MEI1: variants seen among roughly 807,000 people sequenced by gnomAD.
MEI1 encodes meiosis inhibitor protein 1.
A neutral mutation model predicts 146.2 loss-of-function variants in MEI1; 103 were observed. That is an observed-to-expected ratio of 0.70 (90% CI 0.60 to 0.83). The LOEUF is 0.83. MEI1 is among the 40% of genes least tolerant of loss of function. The probability of loss-of-function intolerance (pLI) is 0.00; values close to 1 mark genes in which losing one functional copy is unlikely to be tolerated. For synonymous variants in MEI1, 652 were observed against 628.2 expected (o/e 1.04, Z -0.57); for missense variants, 1,529 against 1,533.0 (o/e 1.00, Z 0.04).
chr22:41,768,036 T>C (rs1450238317), intron 19 of MEI1, among the ~76,000 whole-genome samples: 1 of 151,652 alleles, frequency 6.6e-6, no homozygotes, highest in Non-Finnish European at 1.5e-5. Context: ...ATATGGGAGG[T>C]AGAATAGAGA....
At chr22:41,720,657 C>T (rs1014950244) in intron 6 of MEI1, among the ~76,000 whole-genome samples, 3 of 147,504 alleles carry the variant, frequency 2.0e-5, no homozygotes, top group Non-Finnish European at 4.5e-5. Context: ...GTGCAGTGGG[C>T]GTGATCTCAG....
chr22:41,781,236 G>A (rs1282284436), intron 22 of MEI1, 48 bp from the exon 23 acceptor site: 1 of 1,370,670 alleles, frequency 7.3e-7, no homozygotes, highest in Non-Finnish European at 1.0e-6. Context: ...CCTATGACAA[G>A]TGTGAGTGTT....
chr22:41,764,256 G>A lies in MEI1; in HGVS notation c.2268+935G>A, dbSNP rs557145816. 1.2e-4 allele frequency among the ~76,000 whole-genome samples: 19 copies of A among 152,250 alleles called. No individual in the cohort carries two copies. The East Asian group carries it at 3.7e-3, about 29-fold the overall frequency. Reference sequence around the variant, plus strand: ...ATTACAGGCGTGAGCCACCGTGCCCGGCTGGAAGTTTCCTTTTATACAAGT... The same window carrying A: ...ATTACAGGCGTGAGCCACCGTGCCCAGCTGGAAGTTTCCTTTTATACAAGT... On this transcript the variant is annotated intron_variant, in intron 19 of 30. Coordinates refer to ENST00000401548, the MANE Select transcript of MEI1 (RefSeq NM_152513.4).
At position 41,714,072 on chromosome 22, in the gene MEI1, A is replaced by C. The variant is rs776170783; in HGVS notation, c.420A>C (p.Lys140Asn). The part of the protein sequence containing the change: ...TIRCLLDECH[K>N]ELCNMPSMRG... ...GTTGCCTGCTGGATGAGTGCCACAA[A>C]GAGGTCAGAAAATAGCTATGGGTTC... The change falls in exon 4 of 31, where the codon AAA becomes AAC. Residue 140 changes from lysine to asparagine, a missense_variant. Physicochemically the swap from Lys to Asn is moderately conservative, Grantham distance 94. Coordinates refer to ENST00000401548, the MANE Select transcript of MEI1 (RefSeq NM_152513.4). 1 of 1,596,524 alleles carries C rather than the reference A, an allele frequency of 6.3e-7. No homozygotes were observed. Among genetic ancestry groups the C allele is most frequent in the Non-Finnish European group, 8.5e-7 (1 of 1,171,276 alleles).
intron 28 of MEI1, 78 bp downstream of exon 28, chr22:41,794,555 C>T: frequency 8.6e-7 from 1 of 1,160,474 alleles, no homozygotes; most frequent in East Asian, 2.3e-5. Context: ...GGTCTCCTTA[C>T]TTTAGGTAAC....
At position 41,744,480 on chromosome 22, in the gene MEI1, ATTTTTTTTTTTTTTTTTTT is replaced by A. The variant is rs771456925; in HGVS notation, c.1447-476_1447-458del. ...AGCCACCATGCCCAGCTTTGCTATGATTTTTTTTTTTTTTTTTTTTTTTTTTTTTTTTTTTGAGACGGAG... is the reference window on the plus strand; with the variant it reads ...AGCCACCATGCCCAGCTTTGCTATGATTTTTTTTTTTTTTTTGAGACGGAG... On this transcript the variant is annotated intron_variant, in intron 12 of 30. Transcript: ENST00000401548. 2.3e-4 allele frequency among the ~76,000 whole-genome samples: 2 copies of A among 8,592 alleles called. 1 individual carries two copies. Among genetic ancestry groups the A allele is most frequent in the Middle Eastern group, 0.12 (2 of 16 alleles). 5.6% of individuals were successfully genotyped at this position (8,592 alleles called of 152,430 possible).
At chr22:41,798,226 C>T (rs1022232746) in intron 30 of MEI1, among the ~76,000 whole-genome samples, 4 of 102,274 alleles carry the variant, frequency 3.9e-5, no homozygotes, top group Non-Finnish European at 9.1e-5. Context: ...TGGCCAGGTG[C>T]ACACACACAC....
chr22:41,736,361 C>T (rs1338105933), intron 11 of MEI1, among the ~76,000 whole-genome samples: 9 of 151,452 alleles, frequency 5.9e-5, no homozygotes, highest in African/African-American at 1.5e-4. Context: ...GCCATTCTCC[C>T]GCCTCAGCCT....
chr22:41,795,053 G>C lies in MEI1; in HGVS notation c.3535-358G>C, dbSNP rs2076313225. ...TTGAGAGATTAATAGGCAGAGAGGA[G>C]GAAAGGTATTCCAGGTAGTGAAGTA... On this transcript the variant is annotated intron_variant, in intron 28 of 30. Transcript: ENST00000401548. The surrounding 1 kb of genome is among the most constrained non-coding windows in gnomAD (Gnocchi z 4.2). 6.6e-6 allele frequency among the ~76,000 whole-genome samples: 1 copy of C among 152,190 alleles called. No homozygotes were observed. Among genetic ancestry groups the C allele is most frequent in the Admixed American group, 6.5e-5 (1 of 15,286 alleles).
intron 1 of MEI1, among the ~76,000 whole-genome samples, chr22:41,702,196 A>C (rs948823366): frequency 2.0e-5 from 3 of 152,208 alleles, no homozygotes; most frequent in Admixed American, 2.0e-4. Context: ...GCTGGAGTGC[A>C]ATGGCGCAAT....
intron 26 of MEI1, among the ~76,000 whole-genome samples, chr22:41,788,425 C>T (rs1204398881): frequency 6.6e-6 from 1 of 151,296 alleles, no homozygotes; most frequent in Non-Finnish European, 1.5e-5. Flanking sequence ...GGTGGGGTGC[C>T]AGTGAGGTTT....
chr22:41,783,649 C>T (rs1215268475), intron 24 of MEI1, among the ~76,000 whole-genome samples: 1 of 151,976 alleles, frequency 6.6e-6, no homozygotes, highest in African/African-American at 2.4e-5. Flanking sequence ...CAGTAACTTG[C>T]CCAAGGCCAT....
intron 7 of MEI1, among the ~76,000 whole-genome samples, chr22:41,725,622 C>T (rs910964566): frequency 3.3e-5 from 5 of 152,240 alleles, no homozygotes; most frequent in African/African-American, 1.2e-4. Context: ...GCAGTCTTTC[C>T]CTGGTCCTGC....
chr22:41,775,472 G>C (rs559183614), intron 20 of MEI1, among the ~76,000 whole-genome samples: 1 of 152,306 alleles, frequency 6.6e-6, no homozygotes, highest in African/African-American at 2.4e-5. Context: ...TGGGCTTGGA[G>C]TTAGGAGACT....
At position 41,716,041 on chromosome 22, in the gene MEI1, C is replaced by T. The variant is rs1319302585; in HGVS notation, c.424C>T (p.Leu142=). ...RCLLDECHKE[L]CNMPSMRGSL... is the part of the protein sequence containing the mutation. ...AATGGAGCATATTCACTTTCTGTAG[C>T]TGTGTAACATGCCCTCCATGCGAGG... Residue 142 remains leucine, a splice_region_variant and synonymous_variant, in exon 5 of 31, where the codon CTG becomes TTG. Transcript: ENST00000401548. 6.2e-7 allele frequency: 1 copy of T among 1,604,198 alleles called. No individual in the cohort carries two copies. The highest frequency in any genetic ancestry group is 1.1e-5 in the South Asian group (1 of 89,122).
Position 41,776,147 on chromosome 22 carries a change from A to C in MEI1, c.2590A>C (p.Ile864Leu). The change falls in exon 21 of 31, where the codon ATT becomes CTT. Residue 864 changes from isoleucine (I) to leucine (L), a missense_variant. Ile to Leu is a conservative substitution (Grantham distance 5). This residue lies in a region of MEI1 where 1,212 missense variants were observed against 1,178.9 expected (regional missense o/e 1.03). Coordinates refer to ENST00000401548, the MANE Select transcript of MEI1 (RefSeq NM_152513.4). The stretch of plus-strand genomic sequence containing the variant: ...AGTGGACACAGCTCACAAGGTACTG[A>C]TTAGCCTGAGGACCTTCCTGAGGAG... ...SPVDTAHKVL[I>L]SLRTFLRRNE... 1 of 1,613,880 alleles carries C rather than the reference A, an allele frequency of 6.2e-7. No individual in the cohort carries two copies. The highest frequency in any genetic ancestry group is 8.5e-7 in the Non-Finnish European group (1 of 1,179,860).
chr22:41,784,686 C>T lies in MEI1; in HGVS notation c.3248C>T (p.Ala1083Val). 6.2e-7 allele frequency: 1 copy of T among 1,613,744 alleles called. No homozygotes were observed. The highest frequency in any genetic ancestry group is 2.2e-5 in the East Asian group (1 of 44,862). ...CTGGTAGCCCTGGTGCCCTCAGGGGCCCAGCCACTGCCAGCCACCAAGGAC... is the reference window on the plus strand; with the variant it reads ...CTGGTAGCCCTGGTGCCCTCAGGGGTCCAGCCACTGCCAGCCACCAAGGAC... ...SALVALVPSG[A>V]QPLPATKDTV... is the part of the protein sequence containing the mutation. Residue 1083 changes from alanine (A) to valine (V), a missense_variant, in exon 26 of 31, where the codon GCC becomes GTC. Physicochemically the swap from Ala to Val is moderately conservative, Grantham distance 64. Coordinates refer to ENST00000401548, the MANE Select transcript of MEI1 (RefSeq NM_152513.4).
rs757080850 is a variant in MEI1 at position 41,754,026 on chromosome 22, C to G, written c.1931C>G (p.Thr644Arg). ...AACCTTCTCTCAGCTCCAGAGAAGA[C>G]AGGACCACCTTCCAAAGAAGGTAAG... is the stretch of plus-strand genomic sequence containing the variant. ...CLNLLSAPEK[T>R]GPPSKEELSA... Residue 644 changes from threonine (T) to arginine (R), a missense_variant, in exon 17 of 31, where the codon ACA (threonine) becomes AGA (arginine). Transcript: ENST00000401548. The G allele has an allele frequency of 1.9e-6, 3 of 1,612,410 alleles. No individual in the cohort carries two copies. The highest frequency in any genetic ancestry group is 1.1e-5 in the South Asian group (1 of 91,058).
chr22:41,737,448 C>T (rs2072474815), intron 11 of MEI1, among the ~76,000 whole-genome samples: 1 of 152,014 alleles, frequency 6.6e-6, no homozygotes, highest in South Asian at 2.1e-4. Flanking sequence ...AGTGTGTTAG[C>T]CAGGATGATC....
Sources: gnomAD v4.1 joint callset for allele counts (sites outside exome capture counted in the v4.1 genomes callset) on GRCh38, gnomAD v4.1.1 for gene constraint, gnomAD v4.1.1 regional missense constraint, Gnocchi (gnomAD v3.1) non-coding constraint, MANE v1.5 for transcripts, NCBI Gene and HGNC (gene_info 2026-07-23, HGNC 2026-07-21) for gene names.